PAQR8: variants seen among roughly 807,000 people sequenced by gnomAD.
PAQR8 encodes progestin and adipoQ receptor family member 8.
PAQR8 carries 17 observed loss-of-function variants against 25.2 expected under a neutral mutation model. The ratio of observed to expected loss-of-function variants is 0.67; its 90% CI spans 0.46 to 1.01. PAQR8 has a LOEUF of 1.01. Ranked by LOEUF, PAQR8 falls within the 50% of genes least tolerant of loss-of-function variation. The probability of loss-of-function intolerance (pLI) is 0.00; values close to 1 mark genes in which losing one functional copy is unlikely to be tolerated. For synonymous variants in PAQR8, 204 were observed against 190.6 expected (o/e 1.07, Z -0.58); for missense variants, 392 against 448.4 (o/e 0.87, Z 1.14).
At chr6:52,384,062 C>T (rs1263792417) in intron 1 of PAQR8, among the ~76,000 whole-genome samples, 1 of 152,066 alleles carries the variant, frequency 6.6e-6, no homozygotes, top group Non-Finnish European at 1.5e-5. Context: ...AAAAATAATA[C>T]AGATAATATG....
chr6:52,400,480 G>C (rs1351453448), intron 1 of PAQR8, among the ~76,000 whole-genome samples: 1 of 152,202 alleles, frequency 6.6e-6, no homozygotes, highest in African/African-American at 2.4e-5. Context: ...CATGCAGCTT[G>C]TTGATGGTGG....
intron 1 of PAQR8, among the ~76,000 whole-genome samples, chr6:52,373,224 A>G (rs980137764): frequency 1.3e-5 from 2 of 152,228 alleles, no homozygotes; most frequent in Admixed American, 6.5e-5. Context: ...CCCGTCTGAA[A>G]GAAAGAAAGG....
At chr6:52,383,647 C>T (rs944854999) in intron 1 of PAQR8, among the ~76,000 whole-genome samples, 1 of 104,878 alleles carries the variant, frequency 9.5e-6, no homozygotes, top group South Asian at 3.8e-4. Flanking sequence ...GGCGACAGAG[C>T]GAGAGTCCGT....
chr6:52,364,414 T>A (rs1316449427), intron 1 of PAQR8, among the ~76,000 whole-genome samples: 1 of 152,204 alleles, frequency 6.6e-6, no homozygotes, highest in Non-Finnish European at 1.5e-5. Context: ...GTGTACTTAT[T>A]CACTTGGACG....
intron 1 of PAQR8, among the ~76,000 whole-genome samples, chr6:52,373,974 T>C (rs1247963128): frequency 6.6e-6 from 1 of 152,146 alleles, no homozygotes. Context: ...ATCATCCCCA[T>C]TGAAGTTGTC....
chr6:52,402,325 C>A (rs1241950395), intron 1 of PAQR8, among the ~76,000 whole-genome samples: 1 of 147,094 alleles, frequency 6.8e-6, no homozygotes, highest in South Asian at 2.2e-4. Context: ...GATTGCGCCA[C>A]TGCATCCCAG....
chr6:52,406,270 AT>A lies in PAQR8; in HGVS notation c.*1996del, dbSNP rs1315236906. ...TTCTTTATTACGGATTCAAAGACTTATTTTGAAAGTTGGAAGGAGAAGGGAG... is the reference window on the plus strand; with the variant it reads ...TTCTTTATTACGGATTCAAAGACTTATTTGAAAGTTGGAAGGAGAAGGGAG... On this transcript the variant is annotated 3_prime_UTR_variant, in exon 2 of 2. Coordinates refer to ENST00000442253, the MANE Select transcript of PAQR8 (RefSeq NM_133367.5). 3 of 401,420 alleles carry A rather than the reference AT, an allele frequency of 7.5e-6. No homozygotes were observed. The highest frequency in any genetic ancestry group is 6.2e-5 in the African/African-American group (3 of 48,394). The allele number at this position is 401,420 out of a possible 1,614,324, so 24.9% of individuals were successfully genotyped here.
At chr6:52,377,827 A>G (rs1000533417) in intron 1 of PAQR8, among the ~76,000 whole-genome samples, 2 of 151,432 alleles carry the variant, frequency 1.3e-5, no homozygotes, top group African/African-American at 4.9e-5. Context: ...TCTTCTTCGC[A>G]TTGGTATCTC....
At chr6:52,368,461 C>A (rs922301175) in intron 1 of PAQR8, among the ~76,000 whole-genome samples, 1 of 151,312 alleles carries the variant, frequency 6.6e-6, no homozygotes, top group African/African-American at 2.4e-5. Context: ...GGACCACTGC[C>A]GTGTGAAATG....
At position 52,404,146 on chromosome 6, in the gene PAQR8, C is replaced by T; in HGVS notation, c.933C>T (p.Phe311=). The T allele has an allele frequency of 6.2e-7, 1 of 1,614,220 alleles. No individual in the cohort carries two copies. The highest frequency in any genetic ancestry group is 1.7e-5 in the Admixed American group (1 of 60,032). ...ACTACCAGGGGCGGCAGGAGATCTT[C>T]CTGCAGCGCCATGGACCCCTATCTG... The part of the protein sequence containing the change: ...LLDYQGRQEI[F]LQRHGPLSVH... Residue 311 remains phenylalanine (F), a synonymous_variant, in exon 2 of 2, where the codon TTC becomes TTT. Transcript: ENST00000442253.
At chr6:52,382,082 A>G (rs544026954) in intron 1 of PAQR8, among the ~76,000 whole-genome samples, 2 of 152,252 alleles carry the variant, frequency 1.3e-5, no homozygotes, top group Non-Finnish European at 2.9e-5. Flanking sequence ...GAGGTACCAT[A>G]CAACACAATA....
Position 52,362,507 on chromosome 6 carries a change from A to G in PAQR8, c.-53+258A>G, listed in dbSNP as rs1260649356. 1.3e-5 allele frequency: 2 copies of G among 152,496 alleles called. No individual in the cohort carries two copies. Among genetic ancestry groups the G allele is most frequent in the Non-Finnish European group, 2.9e-5 (2 of 68,444 alleles). The allele number at this position is 152,496 out of a possible 1,614,324, so 9.4% of individuals were successfully genotyped here. ...GGGACGACGGGTTAGGATGCTGGGG[A>G]GCCCTGGAGCTCTGAACGGCTGTAG... On this transcript the variant is annotated intron_variant, in intron 1 of 1. Transcript: ENST00000442253. This position sits in a 1 kb window ranked among gnomAD's most constrained non-coding sequence, Gnocchi z 4.1.
chr6:52,403,989 C>T lies in PAQR8; in HGVS notation c.776C>T (p.Ala259Val). 2 of 1,614,226 alleles carry T rather than the reference C, an allele frequency of 1.2e-6. No individual in the cohort carries two copies. The highest frequency in any genetic ancestry group is 3.3e-4 in the Middle Eastern group (2 of 6,062). The stretch of plus-strand genomic sequence containing the variant: ...CAGATCCTCTTCTTCCTGGTTAGCG[C>T]TTATTTCTTCTCCTGCCCCGTGCCT... ...TLQILFFLVSAYFFSCPVPEK... is the reference protein window; with the variant it reads ...TLQILFFLVSVYFFSCPVPEK... Residue 259 changes from alanine (A) to valine (V), a missense_variant, in exon 2 of 2, where the codon GCT becomes GTT. Ala to Val is a moderately conservative substitution (Grantham distance 64, BLOSUM62 0). Transcript: ENST00000442253.
chr6:52,387,253 C>T (rs1376275469), intron 1 of PAQR8, among the ~76,000 whole-genome samples: 2 of 152,204 alleles, frequency 1.3e-5, no homozygotes, highest in East Asian at 1.9e-4. Flanking sequence ...GCCAGGATTC[C>T]TAGTCCATCA....
intron 1 of PAQR8, among the ~76,000 whole-genome samples, chr6:52,378,826 G>A (rs1763516767): frequency 6.6e-6 from 1 of 151,540 alleles, no homozygotes. Context: ...ACCAGGCATG[G>A]TGGCTTAAAC....
In PAQR8 at chr6:52,383,592, C is replaced by T. The variant is rs368094082; in HGVS notation, c.-52-19570C>T. ...AGGAGAATGGCGTGAATCCGGGAGGCGGAGCTTGCAGTGAGCCGAGATCCC... is the reference window on the plus strand; with the variant it reads ...AGGAGAATGGCGTGAATCCGGGAGGTGGAGCTTGCAGTGAGCCGAGATCCC... On this transcript the variant is annotated intron_variant, in intron 1 of 1. Coordinates refer to ENST00000442253, the MANE Select transcript of PAQR8 (RefSeq NM_133367.5). 2.4e-3 allele frequency among the ~76,000 whole-genome samples: 343 copies of T among 140,864 alleles called. 2 individuals are homozygous for T. Among genetic ancestry groups the T allele is most frequent in the African/African-American group, 8.7e-3 (327 of 37,770 alleles). 92.4% of individuals were successfully genotyped at this position (140,864 alleles called of 152,430 possible). A position where few individuals can be genotyped will look rare whatever the true frequency, so the allele number is the denominator to read the frequency against.
In PAQR8 at chr6:52,404,264, A is replaced by C; in HGVS notation, c.1051A>C (p.Lys351Gln). The C allele has an allele frequency of 6.3e-7, 1 of 1,591,128 alleles. No homozygotes were observed. Among genetic ancestry groups the C allele is most frequent in the South Asian group, 1.1e-5 (1 of 90,094 alleles). ...LRHKVKARLT[K>Q]KDS Reference sequence around the variant, plus strand: ...GCACAAAGTCAAGGCCAGACTGACCAAGAAAGATTCCTGAGGCTGGCAAGT... The same window carrying C: ...GCACAAAGTCAAGGCCAGACTGACCCAGAAAGATTCCTGAGGCTGGCAAGT... Residue 351 changes from lysine to glutamine, a missense_variant, in exon 2 of 2, where the codon AAG (lysine) becomes CAG (glutamine). Lys to Gln is a moderately conservative substitution (Grantham distance 53). Transcript: ENST00000442253.
At chr6:52,376,332 T>C (rs2113937741) in intron 1 of PAQR8, among the ~76,000 whole-genome samples, 1 of 152,274 alleles carries the variant, frequency 6.6e-6, no homozygotes, top group South Asian at 2.1e-4. Flanking sequence ...TGCCTGTCTC[T>C]AAGAGGCTTG....
At chr6:52,390,044 T>C (rs6928293) in intron 1 of PAQR8, among the ~76,000 whole-genome samples, 1,588 of 152,314 alleles carry the variant, frequency 0.01, 30 homozygotes, top group African/African-American at 0.036. Context: ...CAGCAAAGTT[T>C]ACCTTTACTC....
Sources: gnomAD v4.1 joint callset for allele counts (sites outside exome capture counted in the v4.1 genomes callset) on GRCh38, gnomAD v4.1.1 for gene constraint, Gnocchi (gnomAD v3.1) non-coding constraint, MANE v1.5 for transcripts, NCBI Gene and HGNC (gene_info 2026-07-23, HGNC 2026-07-21) for gene names.